LIG1: variants seen among roughly 807,000 people sequenced by gnomAD.
LIG1 encodes DNA ligase 1, also known as ligase I, DNA, ATP-dependent.
Under a neutral mutation model 115.7 loss-of-function variants are expected in LIG1, and 70 were observed. The ratio of observed to expected loss-of-function variants is 0.60; its 90% CI spans 0.50 to 0.74. LIG1 has a LOEUF of 0.74. Among genes scored for constraint, LIG1 ranks in the 30% least tolerant of loss-of-function variants. The probability of loss-of-function intolerance (pLI) is 0.00; values close to 1 mark genes in which losing one functional copy is unlikely to be tolerated. For missense variants in LIG1, 1,115 were observed against 1,225.6 expected, an observed-to-expected ratio of 0.91 and a Z score of 1.35; for synonymous variants, 487 against 495.3, an observed-to-expected ratio of 0.98 and a Z score of 0.22.
chr19:48,161,268 GGC>G, intron 4 of LIG1, 102 bp downstream of exon 4: 1 of 1,525,244 alleles, frequency 6.6e-7, no homozygotes, highest in Non-Finnish European at 9.1e-7. Flanking sequence ...ACCTCTCCCG[GGC>G]AATTTCTCCA....
At chr19:48,123,472 A>C in intron 21 of LIG1, 154 bp from the exon 22 acceptor site, 5 of 840,378 alleles carry the variant, frequency 5.9e-6, no homozygotes, top group Non-Finnish European at 9.4e-6. Context: ...TGTCAGAAGG[A>C]TTCTGAGAGC....
At chr19:48,167,936 C>G (rs1436608459) in intron 1 of LIG1, among the ~76,000 whole-genome samples, 2 of 151,292 alleles carry the variant, frequency 1.3e-5, no homozygotes, top group Non-Finnish European at 2.9e-5. Flanking sequence ...TTCAACCAAA[C>G]AGTTCACACA....
chr19:48,152,577 T>C (rs2035545986), intron 6 of LIG1, among the ~76,000 whole-genome samples: 1 of 152,188 alleles, frequency 6.6e-6, no homozygotes, highest in African/African-American at 2.4e-5. Flanking sequence ...TATGGCTGTT[T>C]TCGGTGGGTT....
Position 48,170,247 on chromosome 19 carries a change from T to C in LIG1, c.-64A>G, listed in dbSNP as rs771757286. ...TGCGGACGGCCCCACTTGCCTTGCG[T>C]TGGTCCCGCGCGCCGCTGCCCGGGC... On this transcript the variant is annotated 5_prime_UTR_variant, in exon 1 of 28. Transcript: ENST00000263274. 4 of 455,152 alleles carry C rather than the reference T, an allele frequency of 8.8e-6. No individual in the cohort carries two copies. The highest frequency in any genetic ancestry group is 1.6e-5 in the South Asian group (1 of 64,516). The allele number at this position is 455,152 out of a possible 1,614,324, so 28.2% of individuals were successfully genotyped here.
chr19:48,141,559 C>T (rs772551545), intron 11 of LIG1, among the ~76,000 whole-genome samples: 6 of 152,132 alleles, frequency 3.9e-5, no homozygotes, highest in African/African-American at 7.2e-5. Flanking sequence ...GGTCACAGAG[C>T]GAGTAAGTAT....
chr19:48,159,004 A>C (rs190091460), intron 4 of LIG1, among the ~76,000 whole-genome samples: 23 of 152,260 alleles, frequency 1.5e-4, no homozygotes, highest in African/African-American at 5.5e-4. Context: ...ACCATCCTTT[A>C]AACTCCCTCT....
At chr19:48,132,602 C>T (rs1482049940) in intron 18 of LIG1, among the ~76,000 whole-genome samples, 3 of 151,612 alleles carry the variant, frequency 2.0e-5, no homozygotes, top group Non-Finnish European at 4.4e-5. Context: ...CCATCTTGGC[C>T]AACATGGTGA....
chr19:48,156,959 A>AAAG, intron 5 of LIG1, 55 bp downstream of exon 5: 2 of 1,349,808 alleles, frequency 1.5e-6, no homozygotes, highest in East Asian at 6.0e-5. Context: ...AAAAAAAAAA[A>AAAG]AAAGAGAAAA....
chr19:48,133,272 G>C, intron 17 of LIG1, 175 bp from the exon 18 acceptor site: 1 of 615,786 alleles, frequency 1.6e-6, no homozygotes, highest in Non-Finnish European at 2.9e-6. Context: ...TACAGCCCCC[G>C]GCCTTCCTTC....
chr19:48,166,313 C>T (rs2036480596), intron 1 of LIG1, among the ~76,000 whole-genome samples: 1 of 152,200 alleles, frequency 6.6e-6, no homozygotes, highest in Non-Finnish European at 1.5e-5. Context: ...AGGAGAATCG[C>T]TTGAACCCGG....
chr19:48,127,468 G>C, intron 20 of LIG1, 120 bp from the exon 21 acceptor site: 1 of 911,568 alleles, frequency 1.1e-6, no homozygotes, highest in Non-Finnish European at 1.8e-6. Flanking sequence ...CTGCCCATCT[G>C]TGAGGGCGGC....
At chr19:48,162,524 C>T (rs762654813) in intron 2 of LIG1, among the ~76,000 whole-genome samples, 173 bp from the exon 3 acceptor site, 3 of 151,390 alleles carry the variant, frequency 2.0e-5, no homozygotes, top group Non-Finnish European at 4.4e-5. Context: ...AGCTCCGCCT[C>T]CTGGGTGCAT....
rs2033414983 is a variant in LIG1, at chr19:48,123,159, A to C, written c.2149+15T>G. The C allele has an allele frequency of 6.2e-7, 1 of 1,613,948 alleles. No homozygotes were observed. The highest frequency in any genetic ancestry group is 8.5e-7 in the Non-Finnish European group (1 of 1,179,964). On this transcript the variant is annotated intron_variant, in intron 22 of 27. Transcript: ENST00000263274. Reference sequence around the variant, plus strand: ...CAAGCTGCAGACCTCAGGAGAGAAAAGTGAGCACCCTCACCTTTCACTGAC... The same window carrying C: ...CAAGCTGCAGACCTCAGGAGAGAAACGTGAGCACCCTCACCTTTCACTGAC...
At chr19:48,150,003 C>A in intron 8 of LIG1, 85 bp downstream of exon 8, 10 of 1,603,520 alleles carry the variant, frequency 6.2e-6, no homozygotes, top group Non-Finnish European at 8.5e-6. Context: ...GAAGGGTCTT[C>A]GCAGCATCTC....
intron 17 of LIG1, 116 bp downstream of exon 17, chr19:48,133,865 G>T: frequency 2.4e-6 from 2 of 816,696 alleles, no homozygotes; most frequent in Non-Finnish European, 4.1e-6. Context: ...ATTTGGTTTT[G>T]GTGGGGGAGA....
At chr19:48,133,118 G>A (rs2034150932) in intron 17 of LIG1, 21 bp from the exon 18 acceptor site, 1 of 1,501,822 alleles carries the variant, frequency 6.7e-7, no homozygotes, top group Non-Finnish European at 9.3e-7. Context: ...AGGAGAGTGA[G>A]TTAGAGGAGA....
intron 1 of LIG1, among the ~76,000 whole-genome samples, chr19:48,166,733 G>T (rs1047118991): frequency 1.3e-5 from 2 of 152,112 alleles, no homozygotes; most frequent in Non-Finnish European, 2.9e-5. Flanking sequence ...CATTTTGGGA[G>T]GCCGAAGCGG....
Position 48,122,663 on chromosome 19 carries a change from C to T in LIG1, c.2232+271G>A, listed in dbSNP as rs56122281. Among the ~76,000 whole-genome samples the T allele has an allele frequency of 2.4e-4, 37 of 152,168 alleles. No individual in the cohort carries two copies. Among genetic ancestry groups the T allele is most frequent in the Non-Finnish European group, 4.6e-4 (31 of 68,034 alleles). ...GCCCAAGAGCCTGGCCCGACACGGGCGGCAGGCTCAGGAGAGAGACACCTC... is the reference window on the plus strand; with the variant it reads ...GCCCAAGAGCCTGGCCCGACACGGGTGGCAGGCTCAGGAGAGAGACACCTC... On this transcript the variant is annotated intron_variant, in intron 23 of 27. Coordinates refer to ENST00000263274, the MANE Select transcript of LIG1 (RefSeq NM_000234.3). The surrounding 1 kb of genome is among the most constrained non-coding windows in gnomAD (Gnocchi z 4.3).
At position 48,118,036 on chromosome 19, in the gene LIG1, T is replaced by A. The variant is rs41561716; in HGVS notation, c.2440-255A>T. ...AGTAAAAAGTTGAGAAAGGTGGGAGTTGGGAGGAATGGGAGATGGAAAGAA... is the reference window on the plus strand; with the variant it reads ...AGTAAAAAGTTGAGAAAGGTGGGAGATGGGAGGAATGGGAGATGGAAAGAA... On this transcript the variant is annotated intron_variant, in intron 25 of 27. Transcript: ENST00000263274. Among the ~76,000 whole-genome samples, 6,015 of 147,746 alleles carry A rather than the reference T, an allele frequency of 0.041. 175 individuals are homozygous for A. The highest frequency in any genetic ancestry group is 0.077 in the Middle Eastern group (22 of 286).
Sources: allele counts gnomAD v4.1 joint callset (sites outside exome capture counted in the v4.1 genomes callset), GRCh38; gene constraint gnomAD v4.1.1; non-coding constraint Gnocchi (gnomAD v3.1); transcripts MANE v1.5; gene names NCBI Gene and HGNC (gene_info 2026-07-23, HGNC 2026-07-21).